The following NAV3 variants were observed in gnomAD, a reference collection of about 807,000 sequenced individuals.
NAV3 encodes pore membrane and/or filament interacting like protein 1.
In NAV3, 87 loss-of-function variants were observed where a neutral mutation model predicts 244.7. That is an observed-to-expected ratio of 0.36 (90% CI 0.30 to 0.42). The LOEUF is 0.42. Ranked by LOEUF, NAV3 falls within the 20% of genes least tolerant of loss-of-function variation. The pLI is 1.00. For missense variants in NAV3, 2,663 were observed against 2,893.3 expected, an observed-to-expected ratio of 0.92 and a Z score of 1.83; for synonymous variants, 1,126 against 1,042.2, an observed-to-expected ratio of 1.08 and a Z score of -1.55.
At position 78,186,288 on chromosome 12, in the gene NAV3, T is replaced by A. The variant is rs542941306; in HGVS notation, c.5790+590T>A. Reference sequence around the variant, plus strand: ...TTCTTAAAACAACAACAAAAACAAATTTTAAGTTAAAATTTTAGTTGAGTG... The same window carrying A: ...TTCTTAAAACAACAACAAAAACAAAATTTAAGTTAAAATTTTAGTTGAGTG... On this transcript the variant is annotated intron_variant, in intron 31 of 39. Coordinates refer to ENST00000397909, the MANE Select transcript of NAV3 (RefSeq NM_001024383.2). 7.2e-5 allele frequency among the ~76,000 whole-genome samples: 11 copies of A among 152,076 alleles called. 1 individual carries two copies. In the South Asian group the frequency reaches 2.3e-3, roughly 32 times the overall value.
At chr12:78,198,936 A>G (rs1036862716) in intron 36 of NAV3, 1 of 438,268 alleles carries the variant, frequency 2.3e-6, no homozygotes, top group African/African-American at 2.0e-5. Flanking sequence ...AAAAAAAAGG[A>G]AAGAAAAAAG....
intron 13 of NAV3, among the ~76,000 whole-genome samples, chr12:78,117,158 C>CTTATATAT (rs1555292748): frequency 0.057 from 4,020 of 70,194 alleles, 791 homozygotes; most frequent in East Asian, 0.096. Flanking sequence ...ACAGAAGCAG[C>CTTATATAT]ATATATATAT....
intron 1 of NAV3, among the ~76,000 whole-genome samples, chr12:77,851,203 T>A (rs1287601191): frequency 1.3e-5 from 2 of 152,186 alleles, no homozygotes. Context: ...GAATTTTTTT[T>A]ATGTAACTGT....
chr12:77,924,947 A>G (rs1450369603), intron 1 of NAV3, among the ~76,000 whole-genome samples: 1 of 151,914 alleles, frequency 6.6e-6, no homozygotes, highest in African/African-American at 2.4e-5. Flanking sequence ...TAAGGATATG[A>G]TCCTAGCATG....
At chr12:77,915,129 C>T (rs181668195) in intron 1 of NAV3, among the ~76,000 whole-genome samples, 312 of 152,118 alleles carry the variant, frequency 2.1e-3, no homozygotes, top group Non-Finnish European at 3.4e-3. Flanking sequence ...AAAAATTTCT[C>T]CACCCTGGAT....
At chr12:77,946,565 C>T (rs1055424983) in intron 3 of NAV3, among the ~76,000 whole-genome samples, 17 of 152,118 alleles carry the variant, frequency 1.1e-4, no homozygotes, top group African/African-American at 3.4e-4. Context: ...CTAAATTTAA[C>T]CTTATCCAAA....
intron 3 of NAV3, 43 bp from the exon 4 acceptor site, chr12:77,966,186 T>C (rs372531748): frequency 1.0e-5 from 16 of 1,535,458 alleles, no homozygotes; most frequent in Non-Finnish European, 1.4e-5. Flanking sequence ...TTTGTTAAAA[T>C]ATAATCCTCT....
chr12:77,862,567 C>T (rs896791653), intron 1 of NAV3, among the ~76,000 whole-genome samples: 3 of 151,638 alleles, frequency 2.0e-5, no homozygotes, highest in Non-Finnish European at 3.0e-5. Context: ...AAGGAGAAAA[C>T]GTTTATTAAG....
At chr12:77,886,138 T>C (rs543653227) in intron 1 of NAV3, among the ~76,000 whole-genome samples, 1 of 152,196 alleles carries the variant, frequency 6.6e-6, no homozygotes, top group South Asian at 2.1e-4. Flanking sequence ...GCCTGAGAAA[T>C]GTAAATCTGA....
At chr12:77,808,319 A>G (rs898684577) in intron 2 of NAV3, among the ~76,000 whole-genome samples, 1 of 152,036 alleles carries the variant, frequency 6.6e-6, no homozygotes, top group African/African-American at 2.4e-5. Flanking sequence ...GGATTTATCT[A>G]CCTTCACTCT....
chr12:78,080,374 A>G (rs1410811805), intron 12 of NAV3, among the ~76,000 whole-genome samples: 1 of 152,254 alleles, frequency 6.6e-6, no homozygotes, highest in East Asian at 1.9e-4. Flanking sequence ...TGTGATACAC[A>G]GAGTGAGCCT....
At chr12:78,046,187 G>T (rs569833170) in intron 9 of NAV3, among the ~76,000 whole-genome samples, 19 of 152,112 alleles carry the variant, frequency 1.2e-4, no homozygotes, top group Middle Eastern at 6.8e-3. Context: ...AACCAGCTAT[G>T]GATTTATTGA....
At chr12:77,596,135 C>T (rs1041178796) in intron 2 of NAV3, among the ~76,000 whole-genome samples, 2 of 152,116 alleles carry the variant, frequency 1.3e-5, no homozygotes, top group African/African-American at 2.4e-5. Flanking sequence ...GGGTCCATAT[C>T]ACAGCTCTGG....
intron 2 of NAV3, among the ~76,000 whole-genome samples, chr12:77,574,222 G>A (rs555526529): frequency 1.3e-5 from 2 of 152,150 alleles, no homozygotes; most frequent in African/African-American, 4.8e-5. Context: ...TGACCTCTTG[G>A]CTCCTTCGCT....
intron 2 of NAV3, among the ~76,000 whole-genome samples, chr12:77,573,329 A>G (rs1040763379): frequency 4.6e-5 from 7 of 152,160 alleles, no homozygotes; most frequent in Non-Finnish European, 1.0e-4. Flanking sequence ...AATTAATGCA[A>G]CTGGCATGGG....
At chr12:78,162,180 A>C (rs1407604014) in intron 23 of NAV3, among the ~76,000 whole-genome samples, 2 of 152,170 alleles carry the variant, frequency 1.3e-5, no homozygotes, top group African/African-American at 4.8e-5. Flanking sequence ...ATCATATTTC[A>C]CTAAAGGCAT....
intron 18 of NAV3, 126 bp downstream of exon 18, chr12:78,128,992 T>G: frequency 1.2e-6 from 1 of 804,510 alleles, no homozygotes. Flanking sequence ...ACTTTAACAG[T>G]ACCTTTCATT....
chr12:77,968,212 T>TC (rs1301584177), intron 4 of NAV3, among the ~76,000 whole-genome samples: 1 of 152,220 alleles, frequency 6.6e-6, no homozygotes, highest in Non-Finnish European at 1.5e-5. Flanking sequence ...AAGAGAGAGC[T>TC]CATTTATTTC....
chr12:78,050,846 C>A lies in NAV3; in HGVS notation c.2215C>A (p.Pro739Thr), dbSNP rs945164074. Residue 739 changes from proline (P) to threonine (T), a missense_variant, in exon 11 of 40, where the codon CCC becomes ACC. Pro to Thr is a conservative substitution (Grantham distance 38, BLOSUM62 -1). Transcript: ENST00000397909. ...ACCCAACTTGACAAGTCGACCCACC[C>A]CCATGACCTGGAGGTTGGGCCAGGC... ...TIPNLTSRPT[P>T]MTWRLGQACP... 4 of 1,614,054 alleles carry A rather than the reference C, an allele frequency of 2.5e-6. No homozygotes were observed. Among genetic ancestry groups the A allele is most frequent in the East Asian group, 4.5e-5 (2 of 44,854 alleles).
Sources: allele counts gnomAD v4.1 joint callset (sites outside exome capture counted in the v4.1 genomes callset), GRCh38; gene constraint gnomAD v4.1.1; transcripts MANE v1.5; gene names NCBI Gene and HGNC (gene_info 2026-07-23, HGNC 2026-07-21).